PCDHA1: variants seen among roughly 807,000 people sequenced by gnomAD.
PCDHA1 encodes the protein protocadherin alpha 1.
In PCDHA1, 42 loss-of-function variants were observed where a neutral mutation model predicts 61.3. The ratio of observed to expected loss-of-function variants is 0.69; its 90% CI spans 0.54 to 0.89. PCDHA1 has a LOEUF of 0.89. Ranked by LOEUF, PCDHA1 falls within the 40% of genes least tolerant of loss-of-function variation. The pLI, the probability that PCDHA1 is intolerant of heterozygous loss-of-function variation, is 0.00. For missense variants in PCDHA1, 1,256 were observed against 1,235.3 expected, an observed-to-expected ratio of 1.02 and a Z score of -0.25; for synonymous variants, 610 against 553.8, an observed-to-expected ratio of 1.10 and a Z score of -1.43.
chr5:140,980,824 A>G (rs2096907010), intron 2 of PCDHA1, among the ~76,000 whole-genome samples: 1 of 152,192 alleles, frequency 6.6e-6, no homozygotes, highest in Non-Finnish European at 1.5e-5. Flanking sequence ...ATATTAAATG[A>G]GTTGTGAACC....
intron 1 of PCDHA1, chr5:140,842,642 T>C: frequency 6.3e-7 from 1 of 1,595,112 alleles, no homozygotes; most frequent in Non-Finnish European, 8.6e-7. Context: ...CACCGCCAGC[T>C]TGTCTGTGGA....
chr5:140,987,882 T>G (rs942974119), intron 3 of PCDHA1, among the ~76,000 whole-genome samples: 2 of 152,158 alleles, frequency 1.3e-5, no homozygotes, highest in Non-Finnish European at 2.9e-5. Flanking sequence ...ATGGACAGTT[T>G]ATGTGCCCTA....
chr5:140,836,404 A>G (rs2150259922), intron 1 of PCDHA1: 15 of 1,613,772 alleles, frequency 9.3e-6, no homozygotes, highest in Non-Finnish European at 1.2e-5. Flanking sequence ...GAAAGCGGCC[A>G]GGCACCAAAG....
rs2092672361 is a variant in PCDHA1, at chr5:140,940,726, G to A, written c.2395-38223G>A. On this transcript the variant is annotated intron_variant, in intron 1 of 3. Coordinates refer to ENST00000504120, the MANE Select transcript of PCDHA1 (RefSeq NM_018900.4). Reference sequence around the variant, plus strand: ...ATACCTGCTGTGTGCTGTTTCAGCTGGACAGCTCCATATTTTTATGTGTGC... The same window carrying A: ...ATACCTGCTGTGTGCTGTTTCAGCTAGACAGCTCCATATTTTTATGTGTGC... 3.9e-5 allele frequency among the ~76,000 whole-genome samples: 6 copies of A among 152,124 alleles called. No homozygotes were observed. The South Asian group carries it at 1.2e-3, about 31-fold the overall frequency.
intron 1 of PCDHA1, among the ~76,000 whole-genome samples, chr5:140,917,749 C>G (rs2078340847): frequency 6.6e-6 from 1 of 152,144 alleles, no homozygotes; most frequent in African/African-American, 2.4e-5. Flanking sequence ...TCCCATTGGT[C>G]TATGTGTCTG....
At position 140,805,409 on chromosome 5, in the gene PCDHA1, G is replaced by A. The variant is rs1051892117; in HGVS notation, c.2394+16725G>A. ...TGGTTTCTGTTTGATTCAGAAATTT[G>A]GTGGGTTTTTTGTTGTTGTTTTGGT... On this transcript the variant is annotated intron_variant, in intron 1 of 3. Coordinates refer to ENST00000504120, the MANE Select transcript of PCDHA1 (RefSeq NM_018900.4). 18 of 1,074,696 alleles carry A rather than the reference G, an allele frequency of 1.7e-5. No homozygotes were observed. In the African/African-American group the frequency reaches 3.0e-4, roughly 18 times the overall value. The allele number at this position is 1,074,696 out of a possible 1,614,324, so 66.6% of individuals were successfully genotyped here. A position where few individuals can be genotyped will look rare whatever the true frequency, so the allele number is the denominator to read the frequency against.
At chr5:140,835,916 C>T (rs1359534891) in intron 1 of PCDHA1, 4 of 1,612,180 alleles carry the variant, frequency 2.5e-6, no homozygotes, top group Non-Finnish European at 2.5e-6. Context: ...TGTCAGTGCA[C>T]GCGGAGAGCG....
chr5:140,845,092 C>G (rs145327720), intron 1 of PCDHA1, among the ~76,000 whole-genome samples: 1 of 149,560 alleles, frequency 6.7e-6, no homozygotes, highest in South Asian at 2.1e-4. Flanking sequence ...GTTTATTTTA[C>G]AGTTCTCTTA....
chr5:141,007,935 C>G (rs2098352677), intron 3 of PCDHA1, among the ~76,000 whole-genome samples: 1 of 152,176 alleles, frequency 6.6e-6, no homozygotes, highest in African/African-American at 2.4e-5. Flanking sequence ...GAATTCTAAG[C>G]CACCTTTTTG....
intron 1 of PCDHA1, among the ~76,000 whole-genome samples, chr5:140,893,651 A>G (rs1422431076): frequency 6.6e-6 from 1 of 152,106 alleles, no homozygotes; most frequent in Non-Finnish European, 1.5e-5. Context: ...TTTGGCTGAT[A>G]GTTTTAAAAA....
intron 1 of PCDHA1, among the ~76,000 whole-genome samples, chr5:140,797,779 T>C (rs1404197213): frequency 6.6e-6 from 1 of 152,240 alleles, no homozygotes; most frequent in Non-Finnish European, 1.5e-5. Flanking sequence ...ACCTATATCC[T>C]GGACATTTCT....
At chr5:140,899,479 A>T (rs2067352016) in intron 1 of PCDHA1, among the ~76,000 whole-genome samples, 1 of 152,194 alleles carries the variant, frequency 6.6e-6, no homozygotes, top group Non-Finnish European at 1.5e-5. Flanking sequence ...TTCTGTTTAT[A>T]TGCTGGATTA....
chr5:140,812,616 C>T (rs181748879), intron 1 of PCDHA1: 1 of 151,802 alleles, frequency 6.6e-6, no homozygotes. Flanking sequence ...TTTACAACTC[C>T]CTTCTTTGTT....
At chr5:140,801,179 T>C (rs782622676) in intron 1 of PCDHA1, 1 of 1,571,716 alleles carries the variant, frequency 6.4e-7, no homozygotes, top group Non-Finnish European at 8.6e-7. Flanking sequence ...GGCAATCTAA[T>C]ATTTGGAAAA....
At chr5:140,881,070 T>C (rs1461614506) in intron 1 of PCDHA1, among the ~76,000 whole-genome samples, 6 of 152,208 alleles carry the variant, frequency 3.9e-5, no homozygotes, top group Non-Finnish European at 8.8e-5. Flanking sequence ...CAGATAATTA[T>C]TGGAGCTATG....
chr5:140,978,150 C>T (rs1009630892), intron 1 of PCDHA1, among the ~76,000 whole-genome samples: 2 of 152,286 alleles, frequency 1.3e-5, no homozygotes, highest in South Asian at 4.2e-4. Context: ...TTGTTCTCCC[C>T]CTTCAGACTG....
chr5:140,931,088 A>G (rs1178910459), intron 1 of PCDHA1, among the ~76,000 whole-genome samples: 1 of 152,196 alleles, frequency 6.6e-6, no homozygotes, highest in African/African-American at 2.4e-5. Context: ...AGTTCTACAG[A>G]TGACAAAGGA....
At chr5:140,952,180 T>C (rs1034052117) in intron 1 of PCDHA1, among the ~76,000 whole-genome samples, 4 of 151,968 alleles carry the variant, frequency 2.6e-5, no homozygotes, top group Admixed American at 2.0e-4. Context: ...CTGCAGCTGC[T>C]CTCATGGGTT....
chr5:140,803,719 T>C (rs1422926439), intron 1 of PCDHA1: 1 of 1,475,944 alleles, frequency 6.8e-7, no homozygotes, highest in African/African-American at 1.4e-5. Flanking sequence ...TTTCCAGTTT[T>C]GTGGTTTTGT....
Sources: gnomAD v4.1 joint callset for allele counts (sites outside exome capture counted in the v4.1 genomes callset) on GRCh38, gnomAD v4.1.1 for gene constraint, MANE v1.5 for transcripts, NCBI Gene and HGNC (gene_info 2026-07-23, HGNC 2026-07-21) for gene names.